Variants in CTNNA3 observed in about 807,000 individuals in gnomAD.
CTNNA3 encodes catenin alpha-3.
CTNNA3 carries 76 observed loss-of-function variants against 95.7 expected under a neutral mutation model. The ratio of observed to expected loss-of-function variants is 0.79; its 90% CI spans 0.66 to 0.96. The LOEUF (loss-of-function observed/expected upper bound fraction) is 0.96, where lower values mean the gene tolerates loss of function less well. CTNNA3 is among the 40% of genes least tolerant of loss of function. The pLI is 0.00. For synonymous variants in CTNNA3, 431 were observed against 374.4 expected (o/e 1.15, Z -1.74); for missense variants, 1,191 against 1,089.8 (o/e 1.09, Z -1.31).
intron 1 of CTNNA3, among the ~76,000 whole-genome samples, chr10:67,745,088 G>C (rs557783224): frequency 6.6e-6 from 1 of 152,238 alleles, no homozygotes; most frequent in East Asian, 1.9e-4. Flanking sequence ...AACCATTGTG[G>C]AAGTCAGTGT....
chr10:67,734,873 T>A (rs74142893), intron 1 of CTNNA3, among the ~76,000 whole-genome samples: 5,523 of 152,250 alleles, frequency 0.036, 105 homozygotes, highest in Middle Eastern at 0.085. Flanking sequence ...GGGTTTTTTT[T>A]AAATAAAACC....
chr10:67,223,047 C>T (rs1864730307), intron 5 of CTNNA3, among the ~76,000 whole-genome samples: 1 of 152,152 alleles, frequency 6.6e-6, no homozygotes, highest in South Asian at 2.1e-4. Flanking sequence ...ATTACAGAAT[C>T]CATGAGCCCA....
chr10:65,954,095 G>C (rs946380676), intron 17 of CTNNA3, among the ~76,000 whole-genome samples: 31 of 152,236 alleles, frequency 2.0e-4, no homozygotes, highest in African/African-American at 5.8e-4. Context: ...GTGTGAGATG[G>C]TATCTCACTG....
In CTNNA3 at chr10:66,043,138, A is replaced by G. The variant is rs2079740550; in HGVS notation, c.2159+26170T>C. Reference sequence around the variant, plus strand: ...TAAGGTAGCTATCCGGGTAATGAAAAAAAAAAAAAAAAAAAAGAGAGAGAG... The same window carrying G: ...TAAGGTAGCTATCCGGGTAATGAAAGAAAAAAAAAAAAAAAAGAGAGAGAG... On this transcript the variant is annotated intron_variant, in intron 15 of 17. Coordinates refer to ENST00000433211, the MANE Select transcript of CTNNA3 (RefSeq NM_013266.4). Among the ~76,000 whole-genome samples, 10 of 26,932 alleles carry G rather than the reference A, an allele frequency of 3.7e-4. No individual in the cohort carries two copies. The South Asian group carries it at 0.024, about 64-fold the overall frequency. The allele number at this position is 26,932 out of a possible 152,430, so 17.7% of individuals were successfully genotyped here.
intron 14 of CTNNA3, among the ~76,000 whole-genome samples, chr10:66,092,688 C>T (rs541486086): frequency 2.0e-5 from 3 of 151,992 alleles, no homozygotes; most frequent in African/African-American, 4.8e-5. Flanking sequence ...AGATATAGAA[C>T]TTTGGTTTTT....
At chr10:65,996,310 G>C (rs544998287) in intron 15 of CTNNA3, among the ~76,000 whole-genome samples, 1 of 152,256 alleles carries the variant, frequency 6.6e-6, no homozygotes, top group South Asian at 2.1e-4. Flanking sequence ...GGCTCCCTTT[G>C]TCCCAGGGGC....
intron 15 of CTNNA3, among the ~76,000 whole-genome samples, chr10:66,039,654 T>C (rs2079641425): frequency 6.6e-6 from 1 of 152,094 alleles, no homozygotes; most frequent in East Asian, 1.9e-4. Context: ...CAAAAAATGG[T>C]GCTGGGATAA....
chr10:66,344,545 G>C (rs2092486505), intron 12 of CTNNA3, among the ~76,000 whole-genome samples: 1 of 151,934 alleles, frequency 6.6e-6, no homozygotes, highest in African/African-American at 2.4e-5. Context: ...GGGATTACAG[G>C]TGTGAGCCAC....
At chr10:66,825,970 A>C (rs79648487) in intron 7 of CTNNA3, among the ~76,000 whole-genome samples, 1 of 152,178 alleles carries the variant, frequency 6.6e-6, no homozygotes, top group Non-Finnish European at 1.5e-5. Flanking sequence ...TTCAACATGT[A>C]TATATAAAAT....
chr10:67,743,799 C>G (rs2133643785), intron 1 of CTNNA3, among the ~76,000 whole-genome samples: 1 of 151,356 alleles, frequency 6.6e-6, no homozygotes, highest in East Asian at 1.9e-4. Context: ...GCAACTTCAG[C>G]AAAGTCTCAG....
At chr10:67,679,778 G>A (rs1432414892) in intron 1 of CTNNA3, among the ~76,000 whole-genome samples, 1 of 152,156 alleles carries the variant, frequency 6.6e-6, no homozygotes, top group Non-Finnish European at 1.5e-5. Context: ...CTCATACACT[G>A]TTGGTCAAAG....
intron 13 of CTNNA3, among the ~76,000 whole-genome samples, chr10:66,208,631 TAA>T (rs1564766883): frequency 6.6e-6 from 1 of 152,092 alleles, no homozygotes; most frequent in East Asian, 1.9e-4. Context: ...GAGATTTATA[TAA>T]AAGTTTATAA....
intron 5 of CTNNA3, among the ~76,000 whole-genome samples, chr10:67,438,572 T>C (rs1477925619): frequency 6.6e-6 from 1 of 152,062 alleles, no homozygotes; most frequent in East Asian, 1.9e-4. Context: ...AGCACTGACA[T>C]AAGAACAAAA....
chr10:66,992,188 C>A (rs1281129814), intron 7 of CTNNA3, among the ~76,000 whole-genome samples: 1 of 152,122 alleles, frequency 6.6e-6, no homozygotes, highest in African/African-American at 2.4e-5. Flanking sequence ...TATGTATTGT[C>A]ATGCTTTAAT....
chr10:67,086,295 T>G (rs936910748), intron 7 of CTNNA3, among the ~76,000 whole-genome samples: 1 of 152,070 alleles, frequency 6.6e-6, no homozygotes, highest in Non-Finnish European at 1.5e-5. Context: ...GGTGCAAGAT[T>G]TTTATGCAAC....
chr10:66,934,755 T>C (rs1847595709), intron 7 of CTNNA3, among the ~76,000 whole-genome samples: 1 of 152,172 alleles, frequency 6.6e-6, no homozygotes, highest in Non-Finnish European at 1.5e-5. Flanking sequence ...GGGTAAAATA[T>C]AGTTTTTTTG....
At chr10:66,674,046 G>T (rs1846758847) in intron 9 of CTNNA3, among the ~76,000 whole-genome samples, 1 of 151,650 alleles carries the variant, frequency 6.6e-6, no homozygotes. Context: ...GAAGCCTCAA[G>T]TCTTTAGCTC....
intron 3 of CTNNA3, among the ~76,000 whole-genome samples, chr10:67,596,976 T>C (rs1443474660): frequency 1.3e-5 from 2 of 152,248 alleles, no homozygotes; most frequent in African/African-American, 4.8e-5. Flanking sequence ...CTTTTTCCTT[T>C]ATTTTTATCT....
intron 13 of CTNNA3, among the ~76,000 whole-genome samples, chr10:66,231,360 T>C (rs2089580579): frequency 6.6e-6 from 1 of 151,942 alleles, no homozygotes; most frequent in Non-Finnish European, 1.5e-5. Flanking sequence ...TATTTCGTAA[T>C]AGAAAAAAAA....
Sources: allele counts gnomAD v4.1 joint callset (sites outside exome capture counted in the v4.1 genomes callset), GRCh38; gene constraint gnomAD v4.1.1; transcripts MANE v1.5; gene names NCBI Gene and HGNC (gene_info 2026-07-23, HGNC 2026-07-21).